Variants in B3GALT1 observed in about 807,000 individuals in gnomAD.
B3GALT1 encodes UDP-Gal:betaGlcNAc beta 1,3-galactosyltransferase, polypeptide 1.
Under a neutral mutation model 23.2 loss-of-function variants are expected in B3GALT1, and 10 were observed. That is an observed-to-expected ratio of 0.43 (90% confidence interval 0.27 to 0.73). B3GALT1 has a LOEUF of 0.73. Among genes scored for constraint, B3GALT1 ranks in the 30% least tolerant of loss-of-function variants. The pLI is 0.21. For missense variants in B3GALT1, 299 were observed against 405.4 expected (o/e 0.74, Z 2.25); for synonymous variants, 156 against 141.5 (o/e 1.10, Z -0.73).
intron 3 of B3GALT1, among the ~76,000 whole-genome samples, chr2:167,691,517 T>G (rs1449099809): frequency 6.6e-6 from 1 of 152,158 alleles, no homozygotes; most frequent in Non-Finnish European, 1.5e-5. Flanking sequence ...ACAAAAAAAC[T>G]TATACAAATG....
chr2:167,861,780 A>T (rs943789425), intron 4 of B3GALT1, among the ~76,000 whole-genome samples: 3 of 152,142 alleles, frequency 2.0e-5, no homozygotes, highest in Non-Finnish European at 4.4e-5. Flanking sequence ...AGTAAGAGAG[A>T]GGAGACATTT....
intron 1 of B3GALT1, among the ~76,000 whole-genome samples, chr2:167,345,771 A>G (rs1697215600): frequency 6.6e-6 from 1 of 152,188 alleles, no homozygotes; most frequent in South Asian, 2.1e-4. Flanking sequence ...GTGGTAGATG[A>G]TTACTTAAGT....
chr2:167,524,362 G>A (rs1230463326), intron 2 of B3GALT1, among the ~76,000 whole-genome samples: 1 of 152,140 alleles, frequency 6.6e-6, no homozygotes, highest in African/African-American at 2.4e-5. Context: ...CCACTGTTCA[G>A]TGACCTCTTT....
intron 1 of B3GALT1, among the ~76,000 whole-genome samples, chr2:167,425,006 G>T (rs2105303924): frequency 6.6e-6 from 1 of 152,294 alleles, no homozygotes; most frequent in South Asian, 2.1e-4. Context: ...TGGTTAATTT[G>T]TTTACTCCTG....
chr2:167,326,435 A>G (rs1696897197), intron 1 of B3GALT1, among the ~76,000 whole-genome samples: 1 of 151,974 alleles, frequency 6.6e-6, no homozygotes, highest in Non-Finnish European at 1.5e-5. Context: ...TTTTTAATTT[A>G]ATGAAGTCCC....
intron 3 of B3GALT1, among the ~76,000 whole-genome samples, chr2:167,708,519 G>A (rs935704022): frequency 5.3e-5 from 8 of 152,222 alleles, no homozygotes; most frequent in South Asian, 2.1e-4. Context: ...AAAATTAGCC[G>A]GCACAGTGGC....
At chr2:167,370,082 GTTACTC>G (rs764723712) in intron 1 of B3GALT1, among the ~76,000 whole-genome samples, 13 of 152,076 alleles carry the variant, frequency 8.5e-5, no homozygotes, top group Non-Finnish European at 1.5e-4. Flanking sequence ...TGCAAAGGAA[GTTACTC>G]TTATTTTTTT....
At chr2:167,483,195 A>AG (rs1473224430) in intron 1 of B3GALT1, among the ~76,000 whole-genome samples, 4 of 152,066 alleles carry the variant, frequency 2.6e-5, no homozygotes, top group African/African-American at 9.7e-5. Context: ...CGGAAGGCTG[A>AG]GGCAGGAGAA....
intron 3 of B3GALT1, among the ~76,000 whole-genome samples, chr2:167,782,041 C>A (rs529345291): frequency 1.3e-5 from 2 of 152,284 alleles, no homozygotes; most frequent in East Asian, 3.9e-4. Flanking sequence ...TACACCCTGC[C>A]AGCTGCCTCT....
intron 4 of B3GALT1, among the ~76,000 whole-genome samples, 196 bp downstream of exon 4, chr2:167,818,989 T>C (rs764959413): frequency 5.0e-5 from 6 of 120,782 alleles, no homozygotes; most frequent in Non-Finnish European, 1.1e-4. Context: ...AAAAGCCTTA[T>C]TTCTTTTTTA....
chr2:167,544,786 G>A (rs577198583), intron 2 of B3GALT1, among the ~76,000 whole-genome samples: 37 of 152,242 alleles, frequency 2.4e-4, no homozygotes, highest in African/African-American at 8.2e-4. Flanking sequence ...GTCTGATGGT[G>A]AGACCAGAAA....
chr2:167,856,615 G>GT (rs1690004702), intron 4 of B3GALT1, among the ~76,000 whole-genome samples: 1 of 152,154 alleles, frequency 6.6e-6, no homozygotes, highest in Non-Finnish European at 1.5e-5. Flanking sequence ...AAAGAAGAGA[G>GT]TGACTCAGTG....
intron 1 of B3GALT1, among the ~76,000 whole-genome samples, chr2:167,356,284 A>G (rs896012771): frequency 2.6e-5 from 4 of 152,244 alleles, no homozygotes; most frequent in African/African-American, 9.6e-5. Flanking sequence ...TAATGAAAAT[A>G]TAATAGATCC....
intron 1 of B3GALT1, among the ~76,000 whole-genome samples, chr2:167,351,324 A>G (rs971486089): frequency 5.3e-5 from 8 of 152,016 alleles, no homozygotes; most frequent in African/African-American, 1.9e-4. Context: ...AAAAAATGTC[A>G]TTTTAAGTTT....
At chr2:167,756,507 C>G (rs1224565305) in intron 3 of B3GALT1, among the ~76,000 whole-genome samples, 1 of 152,198 alleles carries the variant, frequency 6.6e-6, no homozygotes, top group Non-Finnish European at 1.5e-5. Flanking sequence ...ATGCTACGAT[C>G]AATACTGTTC....
intron 4 of B3GALT1, among the ~76,000 whole-genome samples, chr2:167,847,149 A>G (rs1033661234): frequency 5.3e-5 from 8 of 152,210 alleles, no homozygotes; most frequent in East Asian, 1.9e-4. Flanking sequence ...CAGCAACACA[A>G]TAATCATGGG....
intron 1 of B3GALT1, among the ~76,000 whole-genome samples, chr2:167,375,398 G>A (rs1178962483): frequency 1.3e-5 from 2 of 152,070 alleles, no homozygotes; most frequent in African/African-American, 2.4e-5. Context: ...TAGTTTGATA[G>A]GAATAGCGTT....
At chr2:167,433,988 G>A (rs115729100) in intron 1 of B3GALT1, among the ~76,000 whole-genome samples, 14,904 of 151,000 alleles carry the variant, frequency 0.099, 940 homozygotes, top group African/African-American at 0.17. Flanking sequence ...ATATAATTTG[G>A]CAGATCACAA....
chr2:167,625,203 A>C (rs1393247273), intron 2 of B3GALT1, among the ~76,000 whole-genome samples: 1 of 151,946 alleles, frequency 6.6e-6, no homozygotes, highest in Non-Finnish European at 1.5e-5. Context: ...TTTAAAATCC[A>C]AGTCATGTGC....
Sources: allele counts gnomAD v4.1 joint callset (sites outside exome capture counted in the v4.1 genomes callset), GRCh38; gene constraint gnomAD v4.1.1; transcripts MANE v1.5; gene names NCBI Gene and HGNC (gene_info 2026-07-23, HGNC 2026-07-21).